AGTPBP1: variants seen among roughly 807,000 people sequenced by gnomAD.
AGTPBP1 encodes the protein cytosolic carboxypeptidase 1.
In AGTPBP1, 70 loss-of-function variants were observed where a neutral mutation model predicts 143.9. The observed-to-expected ratio is 0.49, with a 90% CI of 0.40 to 0.59. AGTPBP1 has a LOEUF of 0.59. AGTPBP1 is among the 20% of genes least tolerant of loss of function. The pLI, the probability that AGTPBP1 is intolerant of heterozygous loss-of-function variation, is 0.00. For missense variants in AGTPBP1, 1,229 were observed against 1,464.5 expected, an observed-to-expected ratio of 0.84 and a Z score of 2.62; for synonymous variants, 463 against 500.2, an observed-to-expected ratio of 0.93 and a Z score of 0.99.
chr9:85,647,800 T>C (rs1832910741), intron 11 of AGTPBP1, among the ~76,000 whole-genome samples: 2 of 152,274 alleles, frequency 1.3e-5, no homozygotes, highest in South Asian at 4.1e-4. Flanking sequence ...AAATGATATC[T>C]TTAGAAAATA....
In AGTPBP1 at chr9:85,669,195, ATACTC is replaced by A. The variant is rs557548536; in HGVS notation, c.662+285_662+289del. Among the ~76,000 whole-genome samples, 316 of 151,998 alleles carry A rather than the reference ATACTC, an allele frequency of 2.1e-3. 3 individuals carry two copies. Among genetic ancestry groups the A allele is most frequent in the African/African-American group, 7.1e-3 (293 of 41,540 alleles). ...GCACTCAATAAATGTTTCTGAATGA[ATACTC>A]TATAGATAATCTTTTTTCCTTTTAC... On this transcript the variant is annotated intron_variant, in intron 8 of 25. Coordinates refer to ENST00000357081, the MANE Select transcript of AGTPBP1 (RefSeq NM_001330701.2).
chr9:85,803,788 T>C, the AGTPBP1 span, among the ~76,000 whole-genome samples: 1 of 152,234 alleles, frequency 6.6e-6, no homozygotes, highest in African/African-American at 2.4e-5. Flanking sequence ...TGACAACCCT[T>C]TGAATTCTTA....
chr9:85,712,253 A>G (rs1837428052), intron 2 of AGTPBP1, among the ~76,000 whole-genome samples: 1 of 152,144 alleles, frequency 6.6e-6, no homozygotes, highest in Non-Finnish European at 1.5e-5. Flanking sequence ...AACGAGAGTG[A>G]AATTCCGTCT....
intron 25 of AGTPBP1, among the ~76,000 whole-genome samples, chr9:85,562,809 G>A (rs1003641771): frequency 2.0e-5 from 3 of 152,102 alleles, no homozygotes; most frequent in African/African-American, 2.4e-5. Flanking sequence ...GAAATTGGGC[G>A]AATATTTACA....
At chr9:85,574,548 G>GA (rs1437477029) in intron 25 of AGTPBP1, among the ~76,000 whole-genome samples, 2 of 151,612 alleles carry the variant, frequency 1.3e-5, no homozygotes. Context: ...ACTTTTAGGA[G>GA]AAAAAGACTA....
intron 6 of AGTPBP1, among the ~76,000 whole-genome samples, chr9:85,674,509 T>A (rs919092423): frequency 2.7e-4 from 41 of 152,228 alleles, no homozygotes; most frequent in Non-Finnish European, 4.6e-4. Flanking sequence ...GGGTTTTTTT[T>A]AAATGAATTT....
chr9:85,623,726 C>G lies in AGTPBP1; in HGVS notation c.2016-2441G>C, dbSNP rs577814494. On this transcript the variant is annotated intron_variant, in intron 14 of 25. Transcript: ENST00000357081. Reference sequence around the variant, plus strand: ...GAGCTGAGATTGTGCCACTGCACTCCAGCCTGGGCGACAGAGCGAGACTCT... The same window carrying G: ...GAGCTGAGATTGTGCCACTGCACTCGAGCCTGGGCGACAGAGCGAGACTCT... Among the ~76,000 whole-genome samples the G allele has an allele frequency of 2.7e-5, 4 of 149,998 alleles. No individual in the cohort carries two copies. In the South Asian group the frequency reaches 8.5e-4, roughly 32 times the overall value.
the AGTPBP1 span, among the ~76,000 whole-genome samples, chr9:85,794,102 T>C: frequency 2.6e-4 from 40 of 152,284 alleles, no homozygotes; most frequent in African/African-American, 9.4e-4. Context: ...AGGGGTGCTT[T>C]TTCAGATGGA....
intron 8 of AGTPBP1, among the ~76,000 whole-genome samples, chr9:85,665,226 A>G (rs1426609833): frequency 1.3e-5 from 2 of 152,154 alleles, no homozygotes; most frequent in African/African-American, 4.8e-5. Context: ...GTGCTGTTAT[A>G]AGGAGAGAGA....
In AGTPBP1 at chr9:85,556,153, A is replaced by C. The variant is rs185939758; in HGVS notation, c.3504-8867T>G. Among the ~76,000 whole-genome samples, 72 of 152,310 alleles carry C rather than the reference A, an allele frequency of 4.7e-4. 1 individual carries two copies. The East Asian group carries it at 0.01, about 22-fold the overall frequency. On this transcript the variant is annotated intron_variant, in intron 25 of 25. Transcript: ENST00000357081. The stretch of plus-strand genomic sequence containing the variant: ...CCTAGAAGTTTAAAAAATACTACTA[A>C]TAAAAAATAATAAAATATATGGAGT...
At chr9:85,633,889 A>T (rs1660372347) in intron 13 of AGTPBP1, among the ~76,000 whole-genome samples, 1 of 148,510 alleles carries the variant, frequency 6.7e-6, no homozygotes, top group Admixed American at 6.7e-5. Context: ...GCTCTACAGA[A>T]AAAAAAAAAA....
At position 85,643,516 on chromosome 9, in the gene AGTPBP1, A is replaced by G. The variant is rs148139858; in HGVS notation, c.1186-573T>C. ...TCAGCCAGCATCACACACTGCCCCA[A>G]TACAGATTAATGATGATCACACAAT... On this transcript the variant is annotated intron_variant, in intron 12 of 25. Coordinates refer to ENST00000357081, the MANE Select transcript of AGTPBP1 (RefSeq NM_001330701.2). 2.3e-3 allele frequency among the ~76,000 whole-genome samples: 348 copies of G among 152,270 alleles called. 2 individuals are homozygous for G. The highest frequency in any genetic ancestry group is 8.0e-3 in the African/African-American group (331 of 41,554).
chr9:85,652,450 T>A (rs1434659586), intron 11 of AGTPBP1, among the ~76,000 whole-genome samples: 1 of 152,080 alleles, frequency 6.6e-6, no homozygotes, highest in Non-Finnish European at 1.5e-5. Context: ...AAGCGGACGC[T>A]GCAGTGAGCT....
At chr9:85,631,211 G>A (rs939082796) in intron 14 of AGTPBP1, among the ~76,000 whole-genome samples, 7 of 152,214 alleles carry the variant, frequency 4.6e-5, no homozygotes, top group African/African-American at 1.4e-4. Context: ...ACCCTGGAGA[G>A]CCCAGAGGTG....
intron 25 of AGTPBP1, among the ~76,000 whole-genome samples, chr9:85,573,030 C>T (rs981388451): frequency 6.6e-6 from 1 of 152,104 alleles, no homozygotes; most frequent in Non-Finnish European, 1.5e-5. Context: ...CCATAAAATG[C>T]TAATCTCTGG....
In AGTPBP1 at chr9:85,586,139, G is replaced by T. The variant is rs565893029; in HGVS notation, c.3034-545C>A. Among the ~76,000 whole-genome samples, 3 of 151,892 alleles carry T rather than the reference G, an allele frequency of 2.0e-5. No individual in the cohort carries two copies. In the South Asian group the frequency reaches 6.2e-4, roughly 32 times the overall value. On this transcript the variant is annotated intron_variant, in intron 22 of 25. Transcript: ENST00000357081. ...GAGGCAAGAGAATTGCTTGAACGTG[G>T]GAGGCAGAGGTTGCAGTGAGCCGAG... is the stretch of plus-strand genomic sequence containing the variant.
At chr9:85,593,573 G>A (rs375742209) in intron 18 of AGTPBP1, among the ~76,000 whole-genome samples, 1 of 152,162 alleles carries the variant, frequency 6.6e-6, no homozygotes, top group Non-Finnish European at 1.5e-5. Context: ...TCGCATTGTA[G>A]TTAAGATTGT....
chr9:85,719,908 A>G (rs1837987023), intron 1 of AGTPBP1, among the ~76,000 whole-genome samples: 2 of 152,196 alleles, frequency 1.3e-5, no homozygotes, highest in Non-Finnish European at 2.9e-5. Flanking sequence ...TTCTACATCT[A>G]TTGAGATAAT....
rs113946681 is a variant in AGTPBP1 at position 85,547,533 on chromosome 9, T to C, written c.3504-247A>G. ...TATCAATATATATCCTAAAATTAGA[T>C]AGATAGCTTAAAAAACAGTGAACTC... On this transcript the variant is annotated intron_variant, in intron 25 of 25. Coordinates refer to ENST00000357081, the MANE Select transcript of AGTPBP1 (RefSeq NM_001330701.2). Among the ~76,000 whole-genome samples the C allele has an allele frequency of 9.8e-3, 1,496 of 152,314 alleles. 24 individuals are homozygous for C. Among genetic ancestry groups the C allele is most frequent in the African/African-American group, 0.034 (1,410 of 41,556 alleles).
Sources: allele counts gnomAD v4.1 joint callset (sites outside exome capture counted in the v4.1 genomes callset), GRCh38; gene constraint gnomAD v4.1.1; transcripts MANE v1.5; gene names NCBI Gene and HGNC (gene_info 2026-07-23, HGNC 2026-07-21).